STK39: variants seen among roughly 807,000 people sequenced by gnomAD.
STK39 encodes the protein serine/threonine kinase 39.
A neutral mutation model predicts 77.8 loss-of-function variants in STK39; 20 were observed. That is an observed-to-expected ratio of 0.26 (90% CI 0.18 to 0.37). STK39 has a LOEUF of 0.37. STK39 is among the 10% of genes least tolerant of loss of function. The probability of loss-of-function intolerance (pLI) is 1.00; values close to 1 mark genes in which losing one functional copy is unlikely to be tolerated. For missense variants in STK39, 479 were observed against 656.5 expected, an observed-to-expected ratio of 0.73 and a Z score of 2.95; for synonymous variants, 246 against 234.1, an observed-to-expected ratio of 1.05 and a Z score of -0.47.
chr2:168,141,816 C>T (rs917905574), intron 5 of STK39, among the ~76,000 whole-genome samples: 1 of 152,210 alleles, frequency 6.6e-6, no homozygotes, highest in African/African-American at 2.4e-5. Flanking sequence ...TACCAAAAAA[C>T]ACCCTCAAGT....
chr2:167,997,605 T>A (rs910660635), intron 16 of STK39, among the ~76,000 whole-genome samples: 1 of 152,182 alleles, frequency 6.6e-6, no homozygotes, highest in African/African-American at 2.4e-5. Context: ...CCTGCAGCCA[T>A]CTGATTTTAA....
chr2:168,208,035 G>A (rs1689786749), intron 1 of STK39, among the ~76,000 whole-genome samples: 1 of 152,190 alleles, frequency 6.6e-6, no homozygotes, highest in African/African-American at 2.4e-5. Flanking sequence ...TGACTCAGCA[G>A]GCTCCTTCTC....
intron 2 of STK39, 53 bp from the exon 3 acceptor site, chr2:168,167,460 A>G: frequency 6.6e-7 from 1 of 1,508,666 alleles, no homozygotes; most frequent in South Asian, 1.1e-5. Context: ...ATTGGCAAGC[A>G]AAACACAAGT....
intron 1 of STK39, 49 bp downstream of exon 1, chr2:168,247,179 G>T: frequency 9.1e-7 from 1 of 1,100,622 alleles, no homozygotes; most frequent in South Asian, 3.3e-5. Flanking sequence ...CCTCCCGCCC[G>T]GCCTCGGCGC....
intron 10 of STK39, among the ~76,000 whole-genome samples, chr2:168,128,935 C>T (rs1276971406): frequency 1.3e-5 from 2 of 151,956 alleles, no homozygotes; most frequent in Non-Finnish European, 2.9e-5. Flanking sequence ...AGGTTTCATA[C>T]CACAATGAAA....
At chr2:168,098,066 T>C (rs1686721712) in intron 10 of STK39, among the ~76,000 whole-genome samples, 2 of 152,228 alleles carry the variant, frequency 1.3e-5, no homozygotes, top group Admixed American at 1.3e-4. Flanking sequence ...AACAACTGTG[T>C]AAAACAATAC....
At chr2:167,956,728 T>TCCCCCCCCCCCCCC (rs1235889078) in intron 17 of STK39, among the ~76,000 whole-genome samples, 2 of 53,568 alleles carry the variant, frequency 3.7e-5, no homozygotes, top group Admixed American at 2.0e-4. Flanking sequence ...TCTCTCTCTC[T>TCCCCCCCCCCCCCC]CCCCCCCCGC....
chr2:168,232,116 C>T (rs891180006), intron 1 of STK39: 11 of 249,882 alleles, frequency 4.4e-5, no homozygotes, highest in Admixed American at 2.4e-4. Context: ...CTCATCACAT[C>T]ACCAGAGTGC....
intron 1 of STK39, among the ~76,000 whole-genome samples, chr2:168,235,986 G>A (rs1690595486): frequency 6.6e-6 from 1 of 151,842 alleles, no homozygotes; most frequent in African/African-American, 2.4e-5. Flanking sequence ...GGAATGGCTG[G>A]GTCAAATGGT....
chr2:168,219,226 C>A (rs1164345024), intron 1 of STK39, among the ~76,000 whole-genome samples: 1 of 151,544 alleles, frequency 6.6e-6, no homozygotes. Flanking sequence ...GTGGAGGTTG[C>A]AGTGAGCCAA....
intron 1 of STK39, among the ~76,000 whole-genome samples, chr2:168,195,161 C>T (rs1265829858): frequency 6.6e-6 from 1 of 152,162 alleles, no homozygotes; most frequent in Non-Finnish European, 1.5e-5. Context: ...GTTTTTGTAA[C>T]TAACGTTTCT....
chr2:167,995,179 G>C (rs1168887776), intron 16 of STK39, among the ~76,000 whole-genome samples: 2 of 151,600 alleles, frequency 1.3e-5, no homozygotes, highest in Non-Finnish European at 2.9e-5. Context: ...GTGCAATCTT[G>C]TCTCACTGCA....
At chr2:168,131,234 T>TA (rs1687688699) in intron 8 of STK39, among the ~76,000 whole-genome samples, 2 of 152,202 alleles carry the variant, frequency 1.3e-5, no homozygotes, top group African/African-American at 4.8e-5. Flanking sequence ...GGTATAGAAG[T>TA]AAACAATGCA....
chr2:168,195,886 G>A (rs778438266), intron 1 of STK39, among the ~76,000 whole-genome samples: 10 of 152,104 alleles, frequency 6.6e-5, no homozygotes, highest in South Asian at 2.1e-4. Flanking sequence ...GCGTGGTGGC[G>A]GGCACCTGTA....
intron 8 of STK39, among the ~76,000 whole-genome samples, chr2:168,131,666 C>T (rs1306175108): frequency 1.3e-5 from 2 of 152,140 alleles, no homozygotes; most frequent in Non-Finnish European, 2.9e-5. Flanking sequence ...TGACAAAGAA[C>T]CCTGGATCTC....
intron 1 of STK39, among the ~76,000 whole-genome samples, chr2:168,233,690 A>G (rs768656323): frequency 6.6e-6 from 1 of 152,156 alleles, no homozygotes; most frequent in Non-Finnish European, 1.5e-5. Context: ...TTTTGGTACT[A>G]TTTTTCCTAA....
At chr2:168,148,474 T>C (rs748345391) in intron 5 of STK39, among the ~76,000 whole-genome samples, 6 of 152,172 alleles carry the variant, frequency 3.9e-5, no homozygotes, top group Non-Finnish European at 2.9e-5. Context: ...CAGGTGGACG[T>C]TGCGCTTCTG....
At chr2:168,125,176 T>A (rs928829694) in intron 10 of STK39, among the ~76,000 whole-genome samples, 1 of 151,838 alleles carries the variant, frequency 6.6e-6, no homozygotes, top group Admixed American at 6.6e-5. Context: ...AGATACTGTC[T>A]GTAATACAAA....
chr2:168,240,696 C>T (rs1690736458), intron 1 of STK39, among the ~76,000 whole-genome samples: 1 of 152,170 alleles, frequency 6.6e-6, no homozygotes. Flanking sequence ...GTATGAAGTT[C>T]CTGTGAAACA....
Sources: allele counts gnomAD v4.1 joint callset (sites outside exome capture counted in the v4.1 genomes callset), GRCh38; gene constraint gnomAD v4.1.1; transcripts MANE v1.5; gene names NCBI Gene and HGNC (gene_info 2026-07-23, HGNC 2026-07-21).